Variants in ADAM12 observed in about 807,000 individuals in gnomAD.
The protein encoded by ADAM12 is ADAM metallopeptidase domain 12.
ADAM12 carries 70 observed loss-of-function variants against 106.4 expected under a neutral mutation model. The ratio of observed to expected loss-of-function variants is 0.66; its 90% CI spans 0.54 to 0.80. The LOEUF is 0.80. Among genes scored for constraint, ADAM12 ranks in the 30% least tolerant of loss-of-function variants. The pLI is 0.00. For missense variants in ADAM12, 1,010 were observed against 1,171.9 expected (o/e 0.86, Z 2.02); for synonymous variants, 420 against 433.5 (o/e 0.97, Z 0.39).
intron 3 of ADAM12, among the ~76,000 whole-genome samples, chr10:126,260,684 T>A (rs918600964): frequency 2.6e-5 from 4 of 152,138 alleles, no homozygotes; most frequent in Non-Finnish European, 4.4e-5. Context: ...CCACGGCACT[T>A]AAGAGAAACA....
chr10:126,330,604 G>A lies in ADAM12; in HGVS notation c.89-95C>T, dbSNP rs1854478258. 8.0e-6 allele frequency: 9 copies of A among 1,124,002 alleles called. No individual in the cohort carries two copies. In the South Asian group the frequency reaches 1.2e-4, roughly 15 times the overall value. The allele number at this position is 1,124,002 out of a possible 1,614,324, so 69.6% of individuals were successfully genotyped here. A position where few individuals can be genotyped will look rare whatever the true frequency, so the allele number is the denominator to read the frequency against. ...CATAAATGACACAGTGAAAATATTT[G>A]GAAGTTAAATAAGCCCAGGGAAACA... On this transcript the variant is annotated intron_variant, in intron 1 of 22. Transcript: ENST00000448723.
chr10:126,362,891 TA>T (rs1364670576), intron 1 of ADAM12, among the ~76,000 whole-genome samples: 1 of 152,184 alleles, frequency 6.6e-6, no homozygotes, highest in Non-Finnish European at 1.5e-5. Flanking sequence ...TGAATATAGC[TA>T]ATAACAGTGT....
At chr10:126,246,518 T>C (rs1378792767) in intron 3 of ADAM12, among the ~76,000 whole-genome samples, 4 of 152,146 alleles carry the variant, frequency 2.6e-5, no homozygotes, top group Non-Finnish European at 5.9e-5. Context: ...CAGCAGCACA[T>C]TGAAAAGCTT....
intron 3 of ADAM12, among the ~76,000 whole-genome samples, chr10:126,230,290 C>G (rs796182366): frequency 3.3e-5 from 5 of 152,200 alleles, no homozygotes; most frequent in African/African-American, 9.6e-5. Flanking sequence ...TTTCCTGCAG[C>G]TAACACTGCT....
chr10:126,171,039 G>A (rs947143590), intron 3 of ADAM12, among the ~76,000 whole-genome samples: 4 of 152,186 alleles, frequency 2.6e-5, no homozygotes, highest in African/African-American at 9.7e-5. Flanking sequence ...TTACAGCTGG[G>A]CCTTTGAACT....
chr10:126,233,394 A>ATGGGGG (rs1958351378), intron 3 of ADAM12, among the ~76,000 whole-genome samples: 1 of 152,188 alleles, frequency 6.6e-6, no homozygotes, highest in Non-Finnish European at 1.5e-5. Context: ...AGCCTCAGAC[A>ATGGGGG]AGGTCCTGCT....
At chr10:126,057,580 C>T (rs1954659946) in intron 14 of ADAM12, among the ~76,000 whole-genome samples, 1 of 152,158 alleles carries the variant, frequency 6.6e-6, no homozygotes, top group South Asian at 2.1e-4. Flanking sequence ...GCAACACGCC[C>T]CTGCTGCCCC....
chr10:126,166,155 A>G (rs1957019960), intron 3 of ADAM12, among the ~76,000 whole-genome samples: 2 of 152,206 alleles, frequency 1.3e-5, no homozygotes, highest in Admixed American at 6.5e-5. Context: ...AAATACACAG[A>G]ATTTTGGGTC....
At chr10:126,036,451 C>T in intron 20 of ADAM12, 126 bp from the exon 21 acceptor site, 1 of 860,288 alleles carries the variant, frequency 1.2e-6, no homozygotes, top group Non-Finnish European at 1.7e-6. Context: ...GGAAAGAAAT[C>T]AAGGATGTAC....
chr10:126,105,059 A>G (rs535999496), intron 8 of ADAM12, among the ~76,000 whole-genome samples: 17 of 152,274 alleles, frequency 1.1e-4, no homozygotes, highest in African/African-American at 4.1e-4. Context: ...GGGGATGGAC[A>G]GGGATGTCAG....
intron 21 of ADAM12, among the ~76,000 whole-genome samples, chr10:126,031,967 C>G (rs1327072532): frequency 1.3e-5 from 2 of 152,140 alleles, no homozygotes; most frequent in African/African-American, 2.4e-5. Flanking sequence ...TTCCAAGGGT[C>G]CTTTTACCAT....
chr10:126,337,776 A>G (rs1428067854), intron 1 of ADAM12, among the ~76,000 whole-genome samples: 10 of 152,076 alleles, frequency 6.6e-5, no homozygotes, highest in Admixed American at 6.6e-4. Context: ...TTTACTCCTT[A>G]TCAGTCATTG....
intron 1 of ADAM12, among the ~76,000 whole-genome samples, chr10:126,356,027 G>A (rs1855525649): frequency 6.6e-6 from 1 of 152,172 alleles, no homozygotes; most frequent in Admixed American, 6.5e-5. Context: ...TTGGTAAAGA[G>A]CAAGAGCTAG....
chr10:126,107,678 C>T (rs1325208070), intron 8 of ADAM12, among the ~76,000 whole-genome samples: 1 of 152,170 alleles, frequency 6.6e-6, no homozygotes, highest in African/African-American at 2.4e-5. Context: ...TGCTGAGAGA[C>T]TATGGTTGCT....
At chr10:126,095,532 T>TC (rs1565052610) in intron 10 of ADAM12, among the ~76,000 whole-genome samples, 12 of 17,568 alleles carry the variant, frequency 6.8e-4, no homozygotes, top group Non-Finnish European at 9.8e-4. Context: ...AGACTCTGTC[T>TC]CAAAAAAAAA....
intron 2 of ADAM12, among the ~76,000 whole-genome samples, chr10:126,306,144 T>A (rs1464099421): frequency 1.3e-5 from 2 of 151,984 alleles, no homozygotes; most frequent in Non-Finnish European, 1.5e-5. Context: ...TATTTTCTTG[T>A]GTATTAGTAT....
chr10:126,347,432 T>C (rs1472253763), intron 1 of ADAM12, among the ~76,000 whole-genome samples: 1 of 152,224 alleles, frequency 6.6e-6, no homozygotes, highest in African/African-American at 2.4e-5. Context: ...TAACCCGACC[T>C]TTCTCTCTGG....
At position 126,015,905 on chromosome 10, in the gene ADAM12, T is replaced by TC. The variant is rs1385071919; in HGVS notation, c.*1373dup. 6.6e-6 allele frequency: 1 copy of TC among 152,176 alleles called. No homozygotes were observed. The highest frequency in any genetic ancestry group is 2.4e-5 in the African/African-American group (1 of 41,432). 9.4% of individuals were successfully genotyped at this position (152,176 alleles called of 1,614,324 possible). The stretch of plus-strand genomic sequence containing the variant: ...CTTTAAAGACCTTGTGAAACATGGC[T>TC]CCCTAGTCAGGCATTTGAAGAGTGA... On this transcript the variant is annotated 3_prime_UTR_variant, in exon 23 of 23. Transcript: ENST00000448723.
At chr10:126,163,883 A>G (rs185532740) in intron 3 of ADAM12, among the ~76,000 whole-genome samples, 75 of 152,386 alleles carry the variant, frequency 4.9e-4, no homozygotes, top group Admixed American at 4.0e-3. Flanking sequence ...CTGAATCATT[A>G]TCATAGAAAC....
Sources: gnomAD v4.1 joint callset for allele counts (sites outside exome capture counted in the v4.1 genomes callset) on GRCh38, gnomAD v4.1.1 for gene constraint, MANE v1.5 for transcripts, NCBI Gene and HGNC (gene_info 2026-07-23, HGNC 2026-07-21) for gene names.